Variants in PRKACB observed in about 807,000 individuals in gnomAD.
PRKACB encodes protein kinase cAMP-activated catalytic subunit beta, also known as cAMP-dependent protein kinase catalytic subunit beta.
Under a neutral mutation model 51.4 loss-of-function variants are expected in PRKACB, and 16 were observed. That is an observed-to-expected ratio of 0.31 (90% CI 0.21 to 0.47). The LOEUF (loss-of-function observed/expected upper bound fraction) is 0.47, where lower values mean the gene tolerates loss of function less well. PRKACB is among the 20% of genes least tolerant of loss of function. The pLI, the probability that PRKACB is intolerant of heterozygous loss-of-function variation, is 1.00. For missense variants in PRKACB, 309 were observed against 464.5 expected (o/e 0.67, Z 3.08); for synonymous variants, 147 against 154.4 (o/e 0.95, Z 0.35).
chr1:84,218,804 G>A (rs1012539472), intron 9 of PRKACB, among the ~76,000 whole-genome samples: 4 of 152,034 alleles, frequency 2.6e-5, no homozygotes, highest in Non-Finnish European at 5.9e-5. Flanking sequence ...CCAGCACTTG[G>A]TGTTTTTTGC....
At chr1:84,109,942 A>G (rs1462555822) in intron 1 of PRKACB, among the ~76,000 whole-genome samples, 12 of 151,952 alleles carry the variant, frequency 7.9e-5, no homozygotes, top group Admixed American at 7.2e-4. Flanking sequence ...TTAACTTTTT[A>G]TATAGTCAAG....
At chr1:84,135,762 G>A (rs1039721168) in intron 1 of PRKACB, among the ~76,000 whole-genome samples, 6 of 151,870 alleles carry the variant, frequency 4.0e-5, no homozygotes, top group African/African-American at 1.5e-4. Flanking sequence ...TTTAGTAAAG[G>A]CAGTGCTTAG....
At chr1:84,132,664 A>G (rs1050958359) in intron 1 of PRKACB, among the ~76,000 whole-genome samples, 3 of 152,214 alleles carry the variant, frequency 2.0e-5, no homozygotes, top group African/African-American at 7.2e-5. Context: ...CAGGAGATAC[A>G]TAAAGCAGAG....
chr1:84,145,574 A>G (rs1379005308), intron 1 of PRKACB, among the ~76,000 whole-genome samples: 1 of 152,142 alleles, frequency 6.6e-6, no homozygotes, highest in Non-Finnish European at 1.5e-5. Flanking sequence ...TTTTTACTAA[A>G]TCAGAAATTT....
intron 1 of PRKACB, among the ~76,000 whole-genome samples, chr1:84,134,127 A>C (rs188109102): frequency 2.0e-5 from 3 of 152,216 alleles, no homozygotes; most frequent in Admixed American, 2.0e-4. Context: ...CATTCCTCTG[A>C]AGTCAAGCTG....
rs368743693 is a variant in PRKACB at position 84,144,387 on chromosome 1, G to A, written c.26G>A (p.Cys9Tyr). ...ATGGCAGCTTATAGAGAACCACCTT[G>A]TAACCAGTATACAGGTACAACTACA... MAAYREPP[C>Y]NQYTGTTTAL... is the part of the protein sequence containing the mutation. The change falls in exon 1 of 10, where the codon TGT (cysteine) becomes TAT (tyrosine). Residue 9 changes from cysteine to tyrosine, a missense_variant. Around this residue, in one of 3 missense-constraint regions of PRKACB, gnomAD observed 153 missense variants for 190.2 expected, o/e 0.80. Coordinates refer to ENST00000370685, the MANE Select transcript of PRKACB (RefSeq NM_182948.4). The A allele has an allele frequency of 4.3e-6, 7 of 1,611,508 alleles. No individual in the cohort carries two copies. The African/African-American group carries it at 9.4e-5, about 22-fold the overall frequency.
At chr1:84,114,279 C>T (rs959130802) in intron 1 of PRKACB, among the ~76,000 whole-genome samples, 1 of 152,018 alleles carries the variant, frequency 6.6e-6, no homozygotes, top group Non-Finnish European at 1.5e-5. Flanking sequence ...GAGCATGATA[C>T]CATCCAGGCA....
At chr1:84,208,626 T>C (rs897086150) in intron 8 of PRKACB, among the ~76,000 whole-genome samples, 1 of 152,206 alleles carries the variant, frequency 6.6e-6, no homozygotes, top group Non-Finnish European at 1.5e-5. Context: ...TAATGATAGA[T>C]ATGGCTGTCT....
At chr1:84,113,254 G>A (rs1650375485) in intron 1 of PRKACB, among the ~76,000 whole-genome samples, 1 of 152,104 alleles carries the variant, frequency 6.6e-6, no homozygotes, top group Admixed American at 6.6e-5. Context: ...GAGACAATTT[G>A]GTTGTATCAG....
At chr1:84,135,745 T>C (rs1652738232) in intron 1 of PRKACB, among the ~76,000 whole-genome samples, 14 of 152,132 alleles carry the variant, frequency 9.2e-5, no homozygotes, top group Admixed American at 9.2e-4. Context: ...TCAATTTTTT[T>C]TTGCAATTTA....
At chr1:84,234,047 A>G (rs1165554420) in intron 9 of PRKACB, among the ~76,000 whole-genome samples, 2 of 150,754 alleles carry the variant, frequency 1.3e-5, no homozygotes, top group East Asian at 1.9e-4. Flanking sequence ...TTGTGGTTTT[A>G]TCTACTTTTG....
intron 9 of PRKACB, among the ~76,000 whole-genome samples, chr1:84,231,726 T>A (rs1029876117): frequency 6.6e-6 from 1 of 152,108 alleles, no homozygotes; most frequent in African/African-American, 2.4e-5. Context: ...TTTGTAGTAT[T>A]CTCTGATGGT....
At chr1:84,157,443 TG>T (rs1462097631) in intron 1 of PRKACB, 1 of 152,138 alleles carries the variant, frequency 6.6e-6, no homozygotes, top group East Asian at 1.9e-4. Flanking sequence ...TCATTATAAG[TG>T]TATAATTCAG....
chr1:84,132,844 A>T (rs111571292), intron 1 of PRKACB, among the ~76,000 whole-genome samples: 3 of 152,316 alleles, frequency 2.0e-5, no homozygotes, highest in African/African-American at 7.2e-5. Context: ...AAGAGAAAAA[A>T]TAATGAGAAA....
chr1:84,177,858 T>C (rs1276429912), intron 1 of PRKACB, among the ~76,000 whole-genome samples: 1 of 152,090 alleles, frequency 6.6e-6, no homozygotes, highest in Non-Finnish European at 1.5e-5. Context: ...TTCATTGTTT[T>C]AGTGCATGAG....
intron 1 of PRKACB, chr1:84,164,582 A>C: frequency 7.3e-7 from 1 of 1,378,424 alleles, no homozygotes; most frequent in Non-Finnish European, 9.7e-7. Flanking sequence ...TAGAAAAGCT[A>C]CGCCTTGGAT....
intron 1 of PRKACB, chr1:84,173,249 G>A: frequency 9.2e-7 from 1 of 1,089,702 alleles, no homozygotes; most frequent in Non-Finnish European, 1.4e-6. Flanking sequence ...GTACAGTAGT[G>A]AACATGTATA....
chr1:84,139,463 G>T (rs1418266472), upstream of PRKACB, among the ~76,000 whole-genome samples: 2 of 152,086 alleles, frequency 1.3e-5, no homozygotes, highest in Non-Finnish European at 2.9e-5. Context: ...CATTTTTAAA[G>T]AACTGTTTAC....
At chr1:84,218,929 G>A (rs142830147) in intron 9 of PRKACB, among the ~76,000 whole-genome samples, 345 of 152,196 alleles carry the variant, frequency 2.3e-3, no homozygotes, top group African/African-American at 7.8e-3. Flanking sequence ...GTTGGCCATT[G>A]TAAATCTGGT....
Sources: gnomAD v4.1 joint callset for allele counts (sites outside exome capture counted in the v4.1 genomes callset) on GRCh38, gnomAD v4.1.1 for gene constraint, gnomAD v4.1.1 regional missense constraint, MANE v1.5 for transcripts, NCBI Gene and HGNC (gene_info 2026-07-23, HGNC 2026-07-21) for gene names.